The following TRPM3 variants were observed in gnomAD, a reference collection of about 807,000 sequenced individuals.
The protein encoded by TRPM3 is transient receptor potential cation channel subfamily M member 3.
A neutral mutation model predicts 181.2 loss-of-function variants in TRPM3; 77 were observed. The ratio of observed to expected loss-of-function variants is 0.42; its 90% CI spans 0.35 to 0.51. The LOEUF is 0.51. Ranked by LOEUF, TRPM3 falls within the 20% of genes least tolerant of loss-of-function variation. The pLI, the probability that TRPM3 is intolerant of heterozygous loss-of-function variation, is 0.01. For synonymous variants in TRPM3, 745 were observed against 796.4 expected (o/e 0.94, Z 1.09); for missense variants, 1,759 against 2,196.7 (o/e 0.80, Z 3.98).
At chr9:70,571,543 A>T (rs2052373046) in intron 22 of TRPM3, among the ~76,000 whole-genome samples, 1 of 152,028 alleles carries the variant, frequency 6.6e-6, no homozygotes, top group Non-Finnish European at 1.5e-5. Context: ...TTAAATGTGA[A>T]CCATATGCAC....
chr9:70,792,442 G>A (rs544228690), intron 6 of TRPM3, among the ~76,000 whole-genome samples: 1 of 151,952 alleles, frequency 6.6e-6, no homozygotes, highest in Admixed American at 6.6e-5. Flanking sequence ...GAAGTGGTAT[G>A]GGGGAGGAAG....
chr9:71,416,814 G>T (rs1249026713), intron 1 of TRPM3, among the ~76,000 whole-genome samples: 1 of 151,908 alleles, frequency 6.6e-6, no homozygotes, highest in African/African-American at 2.4e-5. Context: ...ACCCCAGGAA[G>T]TTTCCTTTTA....
rs1003890240 is a variant in TRPM3, at chr9:70,694,573, T to C, written c.1273-12995A>G. ...TCGGCTCACTGCAAGCTCCGCCTCC[T>C]GGGTTCACGCCATTCTCCTGCCTCA... On this transcript the variant is annotated intron_variant, in intron 8 of 25. Transcript: ENST00000677713. 2.6e-5 allele frequency among the ~76,000 whole-genome samples: 4 copies of C among 152,248 alleles called. No homozygotes were observed. The East Asian group carries it at 5.8e-4, about 22-fold the overall frequency.
intron 1 of TRPM3, among the ~76,000 whole-genome samples, chr9:71,050,524 T>C (rs76103114): frequency 6.6e-6 from 1 of 152,174 alleles, no homozygotes; most frequent in Non-Finnish European, 1.5e-5. Flanking sequence ...CTATATTTCA[T>C]AATTATCTAA....
intron 1 of TRPM3, among the ~76,000 whole-genome samples, chr9:71,209,543 A>C (rs2079347599): frequency 6.6e-6 from 1 of 152,212 alleles, no homozygotes; most frequent in Non-Finnish European, 1.5e-5. Flanking sequence ...CATCTGCCAA[A>C]TATTGGCACA....
chr9:70,919,979 A>G (rs1484380057), intron 1 of TRPM3, among the ~76,000 whole-genome samples: 3 of 152,028 alleles, frequency 2.0e-5, no homozygotes, highest in South Asian at 2.1e-4. Flanking sequence ...TAGGGAATAG[A>G]CCCTCCCTGC....
At chr9:70,583,107 C>T (rs183086089) in intron 22 of TRPM3, among the ~76,000 whole-genome samples, 104 of 152,240 alleles carry the variant, frequency 6.8e-4, no homozygotes, top group Middle Eastern at 3.4e-3. Flanking sequence ...CAGAAATAGC[C>T]CTTGAGTTTC....
chr9:71,275,365 A>G (rs1467207589), intron 1 of TRPM3, among the ~76,000 whole-genome samples: 2 of 152,238 alleles, frequency 1.3e-5, no homozygotes, highest in South Asian at 4.1e-4. Context: ...GTAACATTTT[A>G]TTGAAAGATA....
At chr9:71,166,473 C>T (rs2076547442) in intron 1 of TRPM3, among the ~76,000 whole-genome samples, 1 of 151,940 alleles carries the variant, frequency 6.6e-6, no homozygotes. Context: ...CCTACTGTCA[C>T]CAAAGTCCAA....
chr9:70,751,459 T>C (rs1008610863), intron 8 of TRPM3, among the ~76,000 whole-genome samples: 1 of 151,922 alleles, frequency 6.6e-6, no homozygotes, highest in Non-Finnish European at 1.5e-5. Flanking sequence ...TAAAGAGAAA[T>C]TGACACAATC....
At chr9:70,679,392 A>C (rs892642853) in intron 9 of TRPM3, among the ~76,000 whole-genome samples, 3 of 152,350 alleles carry the variant, frequency 2.0e-5, no homozygotes, top group African/African-American at 7.2e-5. Context: ...CTGAAAGTGA[A>C]TCACAACTTA....
intron 1 of TRPM3, among the ~76,000 whole-genome samples, chr9:71,096,683 C>T (rs1241759547): frequency 2.6e-5 from 4 of 151,398 alleles, no homozygotes; most frequent in East Asian, 3.9e-4. Context: ...CCTAGCATGG[C>T]ACTGGCAGAT....
intron 8 of TRPM3, among the ~76,000 whole-genome samples, chr9:70,745,808 T>C (rs1041634369): frequency 2.0e-5 from 3 of 152,192 alleles, no homozygotes; most frequent in African/African-American, 7.2e-5. Flanking sequence ...AATTGTACCC[T>C]GTCCACTAAA....
At chr9:70,550,661 C>T (rs180893472) in intron 24 of TRPM3, among the ~76,000 whole-genome samples, 2 of 152,124 alleles carry the variant, frequency 1.3e-5, no homozygotes, top group Non-Finnish European at 2.9e-5. Context: ...TCTTCTAATC[C>T]CATGCCCTCG....
At chr9:71,042,685 A>C in intron 1 of TRPM3, among the ~76,000 whole-genome samples, 1 of 152,214 alleles carries the variant, frequency 6.6e-6, no homozygotes, top group East Asian at 1.9e-4. Context: ...CAGCAGTAGA[A>C]GTTTCTGCCC....
intron 1 of TRPM3, among the ~76,000 whole-genome samples, chr9:71,344,825 A>G (rs750476548): frequency 1.3e-5 from 2 of 152,220 alleles, no homozygotes; most frequent in East Asian, 1.9e-4. Context: ...TGTTCACAAT[A>G]TATCTGACAA....
chr9:71,260,688 T>G (rs2082985930), intron 1 of TRPM3, among the ~76,000 whole-genome samples: 1 of 152,196 alleles, frequency 6.6e-6, no homozygotes, highest in Non-Finnish European at 1.5e-5. Context: ...GTTTGTCTAT[T>G]ATTGGTGTAT....
At chr9:70,788,843 G>A (rs2084590580) in intron 6 of TRPM3, among the ~76,000 whole-genome samples, 1 of 152,078 alleles carries the variant, frequency 6.6e-6, no homozygotes, top group Admixed American at 6.6e-5. Context: ...TCACAATAGG[G>A]CTCACGCTCC....
In TRPM3 at chr9:70,531,787, A is replaced by C. The variant is rs1227587037; in HGVS notation, c.*4166T>G. ...ATAACATGCCAGTTCATCTTTCACA[A>C]AATCACAACTTGCCTACCACAGCTC... On this transcript the variant is annotated 3_prime_UTR_variant, in exon 26 of 26. Transcript: ENST00000677713. 1 of 152,174 alleles carries C rather than the reference A, an allele frequency of 6.6e-6. No individual in the cohort carries two copies. Among genetic ancestry groups the C allele is most frequent in the African/African-American group, 2.4e-5 (1 of 41,432 alleles). 9.4% of individuals were successfully genotyped at this position (152,174 alleles called of 1,614,324 possible). A position where few individuals can be genotyped will look rare whatever the true frequency, so the allele number is the denominator to read the frequency against.
Sources: allele counts gnomAD v4.1 joint callset (sites outside exome capture counted in the v4.1 genomes callset), GRCh38; gene constraint gnomAD v4.1.1; transcripts MANE v1.5; gene names NCBI Gene and HGNC (gene_info 2026-07-23, HGNC 2026-07-21).